RBFOX1: variants seen among roughly 807,000 people sequenced by gnomAD.
RBFOX1 encodes the protein RNA binding fox-1 homolog 1.
A neutral mutation model predicts 57.7 loss-of-function variants in RBFOX1; 8 were observed. The ratio of observed to expected loss-of-function variants is 0.14; its 90% CI spans 0.08 to 0.25. The LOEUF is 0.25. Among genes scored for constraint, RBFOX1 ranks in the 10% least tolerant of loss-of-function variants. The probability of loss-of-function intolerance (pLI) is 1.00; values close to 1 mark genes in which losing one functional copy is unlikely to be tolerated. For missense variants in RBFOX1, 611 were observed against 548.5 expected (o/e 1.11, Z -1.14); for synonymous variants, 326 against 222.4 (o/e 1.47, Z -4.15).
chr16:7,218,932 A>G (rs1371467811), intron 4 of RBFOX1, among the ~76,000 whole-genome samples: 1 of 152,144 alleles, frequency 6.6e-6, no homozygotes, highest in African/African-American at 2.4e-5. Context: ...GGGTTTGGGC[A>G]GGCATATGGT....
intron 3 of RBFOX1, among the ~76,000 whole-genome samples, chr16:5,852,077 AG>A (rs765426446): frequency 9.1e-4 from 138 of 152,330 alleles, no homozygotes; most frequent in Non-Finnish European, 1.7e-3. Flanking sequence ...ATATGTTAAA[AG>A]TACTGAGAAC....
At chr16:7,575,257 C>T (rs2093216574) in intron 5 of RBFOX1, among the ~76,000 whole-genome samples, 1 of 152,048 alleles carries the variant, frequency 6.6e-6, no homozygotes, top group African/African-American at 2.4e-5. Context: ...GCCTCACCCT[C>T]CCAAGTAGCT....
intron 1 of RBFOX1, among the ~76,000 whole-genome samples, chr16:6,066,461 G>A (rs2095764495): frequency 6.6e-6 from 1 of 152,104 alleles, no homozygotes; most frequent in South Asian, 2.1e-4. Flanking sequence ...CAGATACAGT[G>A]CTGCTAAGTT....
At chr16:6,863,197 T>A (rs1272511353) in intron 3 of RBFOX1, among the ~76,000 whole-genome samples, 2 of 152,034 alleles carry the variant, frequency 1.3e-5, no homozygotes, top group African/African-American at 4.8e-5. Context: ...AATTACTTTT[T>A]GGAATAGAGA....
At chr16:6,196,410 A>G (rs1894851) in intron 1 of RBFOX1, among the ~76,000 whole-genome samples, 127,349 of 152,182 alleles carry the variant, frequency 0.84, 54,913 homozygotes, top group Non-Finnish European at 0.94. Flanking sequence ...GATTTTTTGT[A>G]GGTAATTTAA....
intron 2 of RBFOX1, among the ~76,000 whole-genome samples, chr16:6,510,527 A>T (rs2153776026): frequency 6.6e-6 from 1 of 152,304 alleles, no homozygotes; most frequent in Admixed American, 6.5e-5. Context: ...ATTATCATTC[A>T]TTTGTTCACT....
At chr16:5,711,884 C>T (rs910653673) in intron 3 of RBFOX1, among the ~76,000 whole-genome samples, 2 of 152,144 alleles carry the variant, frequency 1.3e-5, no homozygotes, top group African/African-American at 4.8e-5. Flanking sequence ...TTATTGAGTG[C>T]TTATTTAGGA....
chr16:7,445,649 A>G (rs1012119995), intron 4 of RBFOX1, among the ~76,000 whole-genome samples: 1 of 151,778 alleles, frequency 6.6e-6, no homozygotes, highest in Non-Finnish European at 1.5e-5. Context: ...GGTCTCTTAG[A>G]AATTCAAAAT....
At chr16:7,398,446 T>A (rs577806585) in intron 4 of RBFOX1, among the ~76,000 whole-genome samples, 1 of 152,238 alleles carries the variant, frequency 6.6e-6, no homozygotes, top group African/African-American at 2.4e-5. Flanking sequence ...ATATGGTGGC[T>A]ATGATTATTG....
chr16:6,225,421 A>G (rs559761914), intron 1 of RBFOX1, among the ~76,000 whole-genome samples: 56 of 152,244 alleles, frequency 3.7e-4, no homozygotes, highest in Middle Eastern at 3.4e-3. Flanking sequence ...GATTAATTGA[A>G]TCAAGATCAA....
chr16:6,167,844 C>T (rs542440544), intron 1 of RBFOX1, among the ~76,000 whole-genome samples: 38 of 152,264 alleles, frequency 2.5e-4, no homozygotes, highest in African/African-American at 8.9e-4. Context: ...GCTTTGGGTG[C>T]TCCAAGCACT....
intron 1 of RBFOX1, among the ~76,000 whole-genome samples, chr16:6,255,711 G>A (rs143359281): frequency 5.7e-4 from 87 of 152,054 alleles, no homozygotes; most frequent in Middle Eastern, 3.4e-3. Context: ...CTATGCAGCC[G>A]TAAAAAAAGA....
chr16:6,676,097 C>A (rs2057597700), intron 3 of RBFOX1, among the ~76,000 whole-genome samples: 1 of 150,668 alleles, frequency 6.6e-6, no homozygotes, highest in African/African-American at 2.5e-5. Flanking sequence ...GTGTTATTAT[C>A]AGAAGTAGGT....
At chr16:5,809,082 C>G (rs2055331651) in intron 3 of RBFOX1, among the ~76,000 whole-genome samples, 1 of 152,062 alleles carries the variant, frequency 6.6e-6, no homozygotes, top group Non-Finnish European at 1.5e-5. Flanking sequence ...AAAGGATTCC[C>G]TACTTAATAA....
At chr16:6,353,157 G>T (rs745553761) in intron 2 of RBFOX1, among the ~76,000 whole-genome samples, 4 of 152,032 alleles carry the variant, frequency 2.6e-5, no homozygotes, top group Non-Finnish European at 4.4e-5. Context: ...GGGAGCCATA[G>T]TTCCATTTCT....
intron 3 of RBFOX1, among the ~76,000 whole-genome samples, chr16:5,720,773 A>C (rs2051901807): frequency 1.3e-5 from 2 of 152,232 alleles, no homozygotes; most frequent in South Asian, 4.1e-4. Context: ...TCTCAGTTCT[A>C]GTCCATTAAT....
chr16:7,708,836 ATT>A (rs1354391679), intron 14 of RBFOX1, among the ~76,000 whole-genome samples: 1 of 152,170 alleles, frequency 6.6e-6, no homozygotes, highest in African/African-American at 2.4e-5. Context: ...GTATATATGT[ATT>A]TATCTGTCAA....
chr16:6,838,819 C>T (rs1449870966), intron 3 of RBFOX1, among the ~76,000 whole-genome samples: 1 of 152,128 alleles, frequency 6.6e-6, no homozygotes, highest in East Asian at 1.9e-4. Context: ...ACTCCATTCT[C>T]AGCTTTCTCA....
chr16:5,303,536 G>A (rs575361034), intron 1 of RBFOX1, among the ~76,000 whole-genome samples: 1 of 152,170 alleles, frequency 6.6e-6, no homozygotes, highest in East Asian at 1.9e-4. Context: ...AAAGCTGGCT[G>A]TGGGAGTCAC....
Sources: allele counts gnomAD v4.1 joint callset (sites outside exome capture counted in the v4.1 genomes callset), GRCh38; gene constraint gnomAD v4.1.1; transcripts MANE v1.5; gene names NCBI Gene and HGNC (gene_info 2026-07-23, HGNC 2026-07-21).